LRMDA: variants seen among roughly 807,000 people sequenced by gnomAD.
LRMDA encodes leucine-rich melanocyte differentiation-associated protein.
In LRMDA, 18 loss-of-function variants were observed where a neutral mutation model predicts 29.8. The ratio of observed to expected loss-of-function variants is 0.60; its 90% CI spans 0.42 to 0.90. The LOEUF is 0.90. Ranked by LOEUF, LRMDA falls within the 40% of genes least tolerant of loss-of-function variation. The probability of loss-of-function intolerance (pLI) is 0.00; values close to 1 mark genes in which losing one functional copy is unlikely to be tolerated. For synonymous variants in LRMDA, 125 were observed against 109.4 expected, an observed-to-expected ratio of 1.14 and a Z score of -0.89; for missense variants, 273 against 273.9, an observed-to-expected ratio of 1.00 and a Z score of 0.02.
At chr10:75,792,257 GTGTT>G (rs71024564) in intron 2 of LRMDA, among the ~76,000 whole-genome samples, 114 of 148,432 alleles carry the variant, frequency 7.7e-4, no homozygotes, top group Admixed American at 1.4e-3. Flanking sequence ...TGAGGTACTG[GTGTT>G]TGTTTGTTTG....
intron 2 of LRMDA, among the ~76,000 whole-genome samples, chr10:75,857,576 A>G (rs1457623383): frequency 6.6e-6 from 1 of 152,224 alleles, no homozygotes; most frequent in Non-Finnish European, 1.5e-5. Flanking sequence ...GGGCCAATAA[A>G]TAACTTTGCC....
intron 2 of LRMDA, among the ~76,000 whole-genome samples, chr10:75,748,581 T>TG (rs1285635085): frequency 6.6e-6 from 1 of 152,152 alleles, no homozygotes. Context: ...TTCTACAACC[T>TG]GGGGAGATGG....
At chr10:76,548,108 C>T (rs928500419) in intron 6 of LRMDA, among the ~76,000 whole-genome samples, 3 of 152,074 alleles carry the variant, frequency 2.0e-5, no homozygotes, top group Non-Finnish European at 2.9e-5. Context: ...ATTCCTGTCG[C>T]CAAGGCAGTA....
chr10:75,512,495 T>C (rs1231928243), intron 2 of LRMDA, among the ~76,000 whole-genome samples: 3 of 152,214 alleles, frequency 2.0e-5, no homozygotes, highest in Admixed American at 2.0e-4. Context: ...TATAGGTTTA[T>C]TGACAACAAA....
At chr10:76,140,739 A>G (rs1459211458) in intron 5 of LRMDA, among the ~76,000 whole-genome samples, 1 of 152,116 alleles carries the variant, frequency 6.6e-6, no homozygotes, top group African/African-American at 2.4e-5. Context: ...TCTCGAGAAG[A>G]ATGAACACAA....
At chr10:76,101,940 A>AT (rs1310272608) in intron 5 of LRMDA, among the ~76,000 whole-genome samples, 1 of 152,144 alleles carries the variant, frequency 6.6e-6, no homozygotes, top group Non-Finnish European at 1.5e-5. Context: ...AACAATCTGC[A>AT]TTTTGTCTCC....
chr10:76,330,786 T>C (rs1564726229), intron 6 of LRMDA, among the ~76,000 whole-genome samples: 1 of 152,220 alleles, frequency 6.6e-6, no homozygotes, highest in Non-Finnish European at 1.5e-5. Context: ...AGTTTTTCAT[T>C]TTTAGATTTC....
At chr10:76,012,596 A>G (rs1301037811) in intron 2 of LRMDA, among the ~76,000 whole-genome samples, 1 of 152,210 alleles carries the variant, frequency 6.6e-6, no homozygotes, top group Non-Finnish European at 1.5e-5. Flanking sequence ...CCAAACAATT[A>G]TAAAGCATAG....
chr10:75,449,151 C>CA (rs779723533), intron 2 of LRMDA, among the ~76,000 whole-genome samples: 846 of 49,044 alleles, frequency 0.017, 14 homozygotes, highest in South Asian at 0.032. Flanking sequence ...GACTCCATCT[C>CA]AAAAAAAAAA....
intron 2 of LRMDA, among the ~76,000 whole-genome samples, chr10:75,838,509 G>A (rs1013360530): frequency 1.3e-5 from 2 of 152,032 alleles, no homozygotes; most frequent in African/African-American, 4.8e-5. Context: ...ATTCTAGCTG[G>A]CATGCCAGCT....
At chr10:75,977,124 C>CTT (rs57497935) in intron 2 of LRMDA, among the ~76,000 whole-genome samples, 71 of 140,288 alleles carry the variant, frequency 5.1e-4, no homozygotes, top group African/African-American at 1.7e-3. Flanking sequence ...CTTTTCTTCC[C>CTT]TTTTTTTTTT....
At chr10:75,769,984 A>G (rs1843218572) in intron 2 of LRMDA, among the ~76,000 whole-genome samples, 1 of 150,814 alleles carries the variant, frequency 6.6e-6, no homozygotes, top group South Asian at 2.1e-4. Flanking sequence ...CTCTGTCTCA[A>G]AAAAAAATTA....
intron 3 of LRMDA, among the ~76,000 whole-genome samples, chr10:76,045,977 A>T (rs537337780): frequency 2.0e-5 from 3 of 152,274 alleles, no homozygotes; most frequent in African/African-American, 7.2e-5. Flanking sequence ...CTTTTCTTTG[A>T]TTTTACCTTC....
rs546473748 is a variant in LRMDA at position 75,436,756 on chromosome 10, A to G, written c.31-1638A>G. Among the ~76,000 whole-genome samples the G allele has an allele frequency of 8.5e-5, 13 of 152,270 alleles. No homozygotes were observed. The South Asian group carries it at 2.5e-3, about 29-fold the overall frequency. On this transcript the variant is annotated intron_variant, in intron 1 of 6. Coordinates refer to ENST00000611255, the MANE Select transcript of LRMDA (RefSeq NM_001305581.2). ...AGTGCTGGGACTACAGGCATGAGCC[A>G]CCGCGCCTGGCCAAGAAGCTGCTGA...
chr10:75,612,993 A>G (rs997140979), intron 2 of LRMDA, among the ~76,000 whole-genome samples: 10 of 152,168 alleles, frequency 6.6e-5, no homozygotes, highest in African/African-American at 2.4e-4. Flanking sequence ...ACTCAAACGT[A>G]TGCTATTGTG....
intron 5 of LRMDA, among the ~76,000 whole-genome samples, chr10:76,170,117 C>T (rs966680039): frequency 2.0e-5 from 3 of 152,184 alleles, no homozygotes; most frequent in African/African-American, 7.2e-5. Flanking sequence ...AGGTCACATT[C>T]TTGCTGTACA....
chr10:76,053,449 A>T (rs1421014621), intron 4 of LRMDA, among the ~76,000 whole-genome samples: 1 of 152,202 alleles, frequency 6.6e-6, no homozygotes, highest in Non-Finnish European at 1.5e-5. Flanking sequence ...TAAATTTACA[A>T]GGGTTGAATT....
intron 2 of LRMDA, among the ~76,000 whole-genome samples, chr10:75,954,505 A>G (rs915252423): frequency 6.6e-6 from 1 of 152,154 alleles, no homozygotes; most frequent in Admixed American, 6.5e-5. Context: ...CATCTTTCCA[A>G]AGCATGGTGA....
intron 6 of LRMDA, among the ~76,000 whole-genome samples, chr10:76,507,316 C>T (rs1253781625): frequency 6.7e-6 from 1 of 148,954 alleles, no homozygotes; most frequent in African/African-American, 2.5e-5. Flanking sequence ...ATTATTTTTG[C>T]TATTGATTTC....
Sources: gnomAD v4.1 joint callset for allele counts (sites outside exome capture counted in the v4.1 genomes callset) on GRCh38, gnomAD v4.1.1 for gene constraint, MANE v1.5 for transcripts, NCBI Gene and HGNC (gene_info 2026-07-23, HGNC 2026-07-21) for gene names.